Variants in GPSM2 observed in about 807,000 individuals in gnomAD.
The protein encoded by GPSM2 is G protein signaling modulator 2.
A neutral mutation model predicts 78.4 loss-of-function variants in GPSM2; 58 were observed. The observed-to-expected ratio is 0.74, with a 90% CI of 0.60 to 0.92. GPSM2 has a LOEUF of 0.92. GPSM2 is among the 40% of genes least tolerant of loss of function. The probability of loss-of-function intolerance (pLI) is 0.00; values close to 1 mark genes in which losing one functional copy is unlikely to be tolerated. For missense variants in GPSM2, 700 were observed against 815.5 expected (o/e 0.86, Z 1.73); for synonymous variants, 224 against 280.2 (o/e 0.80, Z 2.00).
chr1:108,891,650 A>T (rs988704065), intron 2 of GPSM2, among the ~76,000 whole-genome samples: 1 of 145,862 alleles, frequency 6.9e-6, no homozygotes, highest in East Asian at 2.0e-4. Context: ...GGTGCATGCC[A>T]CCACAGCCAG....
chr1:108,888,622 G>C (rs181777454), intron 2 of GPSM2, among the ~76,000 whole-genome samples: 62 of 152,372 alleles, frequency 4.1e-4, no homozygotes, highest in African/African-American at 1.4e-3. Context: ...TTACAGGAAT[G>C]AGCTGCCGTG....
rs529379363 is a variant in GPSM2, at chr1:108,885,522, G to A, written c.-1G>A. On this transcript the variant is annotated 5_prime_UTR_variant, in exon 2 of 15. Coordinates refer to ENST00000264126, the MANE Select transcript of GPSM2 (RefSeq NM_013296.5). ...TTTTATTCAGCTTATAATATGACTC[G>A]ATGGAGGAAAATTTGATAAGCATGA... The A allele has an allele frequency of 9.1e-6, 14 of 1,531,950 alleles. No homozygotes were observed. Among genetic ancestry groups the A allele is most frequent in the South Asian group, 3.4e-5 (3 of 89,140 alleles). 94.9% of individuals were successfully genotyped at this position (1,531,950 alleles called of 1,614,324 possible).
intron 10 of GPSM2, chr1:108,909,748 C>A (rs1399642738): frequency 6.6e-6 from 1 of 151,432 alleles, no homozygotes. Flanking sequence ...ACTAAAAATA[C>A]AAAAATTAGC....
chr1:108,931,656 A>G lies in GPSM2; in HGVS notation c.*1716A>G. On this transcript the variant is annotated 3_prime_UTR_variant, in exon 15 of 15. Coordinates refer to ENST00000264126, the MANE Select transcript of GPSM2 (RefSeq NM_013296.5). ...AAAAAAAAAAAAAGTTCTAAATTAC[A>G]ACCTGGATTACATTATGTTTCATGT... 1.1e-6 allele frequency: 1 copy of G among 914,432 alleles called. No individual in the cohort carries two copies. The highest frequency in any genetic ancestry group is 2.9e-5 in the East Asian group (1 of 34,724). The allele number at this position is 914,432 out of a possible 1,614,324, so 56.6% of individuals were successfully genotyped here. A position where few individuals can be genotyped will look rare whatever the true frequency, so the allele number is the denominator to read the frequency against.
rs747595387 is a variant in GPSM2 at position 108,903,251 on chromosome 1, A to C, written c.1062+17A>C. 6 of 1,352,190 alleles carry C rather than the reference A, an allele frequency of 4.4e-6. No homozygotes were observed. The Admixed American group carries it at 6.7e-5, about 15-fold the overall frequency. 83.8% of individuals were successfully genotyped at this position (1,352,190 alleles called of 1,614,324 possible). The stretch of plus-strand genomic sequence containing the variant: ...TCAAGAGAGGTATGAAACTAAAAAA[A>C]ATGCTGTCTGTGCTATTGTAATTTA... On this transcript the variant is annotated intron_variant, in intron 9 of 14. Transcript: ENST00000264126.
Position 108,930,055 on chromosome 1 carries a change from G to A in GPSM2, c.*115G>A. 1 of 964,100 alleles carries A rather than the reference G, an allele frequency of 1.0e-6. No homozygotes were observed. The highest frequency in any genetic ancestry group is 1.6e-5 in the South Asian group (1 of 64,356). The allele number at this position is 964,100 out of a possible 1,614,324, so 59.7% of individuals were successfully genotyped here. A position where few individuals can be genotyped will look rare whatever the true frequency, so the allele number is the denominator to read the frequency against. On this transcript the variant is annotated 3_prime_UTR_variant, in exon 15 of 15. Transcript: ENST00000264126. The stretch of plus-strand genomic sequence containing the variant: ...ATACAGCTTAAAATATTTTTAGAAT[G>A]ATGTAAATAGTTAACCTTCAGTAGT...
At chr1:108,922,370 T>A (rs1231792981) in intron 12 of GPSM2, 47 bp from the exon 13 acceptor site, 1 of 1,326,866 alleles carries the variant, frequency 7.5e-7, no homozygotes, top group South Asian at 1.2e-5. Context: ...GATCTAAAGA[T>A]AATACTGGAA....
In GPSM2 at chr1:108,924,131, A is replaced by C; in HGVS notation, c.1732A>C (p.Ser578Arg). ...NLPGLRLTQNSQSVLSHLMTN... is the reference protein window; with the variant it reads ...NLPGLRLTQNRQSVLSHLMTN... ...GCCAGGGCTTCGTCTAACACAAAACAGCCAGTCGGTACTTAGCCACCTGAT... is the reference window on the plus strand; with the variant it reads ...GCCAGGGCTTCGTCTAACACAAAACCGCCAGTCGGTACTTAGCCACCTGAT... Residue 578 changes from serine (S) to arginine (R), a missense_variant, in exon 14 of 15, where the codon AGC (serine) becomes CGC (arginine). By Grantham distance (110) the Ser-to-Arg change is moderately radical (BLOSUM62 -1). Transcript: ENST00000264126. The C allele has an allele frequency of 6.2e-7, 1 of 1,613,938 alleles. No individual in the cohort carries two copies. The highest frequency in any genetic ancestry group is 8.5e-7 in the Non-Finnish European group (1 of 1,179,810).
intron 2 of GPSM2, among the ~76,000 whole-genome samples, chr1:108,894,606 G>A (rs946471269): frequency 1.3e-5 from 2 of 152,042 alleles, no homozygotes; most frequent in South Asian, 2.1e-4. Context: ...ACTGAGGCAC[G>A]AGAATCACTT....
chr1:108,928,898 A>G (rs866572995), intron 14 of GPSM2, among the ~76,000 whole-genome samples: 1 of 152,038 alleles, frequency 6.6e-6, no homozygotes. Context: ...CTGAGGCTGA[A>G]GAATCACTTG....
At chr1:108,898,149 G>A in intron 5 of GPSM2, 48 bp downstream of exon 5, 1 of 1,567,446 alleles carries the variant, frequency 6.4e-7, no homozygotes, top group Non-Finnish European at 8.8e-7. Flanking sequence ...TCTAAGCCGT[G>A]GATCTGCTGT....
chr1:108,877,626 A>G (rs1394316642), intron 1 of GPSM2: 1 of 151,926 alleles, frequency 6.6e-6, no homozygotes, highest in Non-Finnish European at 1.5e-5. Flanking sequence ...ATTCATTCCG[A>G]GGCTGATTGC....
At chr1:108,904,293 T>C in intron 10 of GPSM2, 39 bp downstream of exon 10, 6 of 1,278,494 alleles carry the variant, frequency 4.7e-6, no homozygotes, top group Non-Finnish European at 6.8e-6. Flanking sequence ...TTTTTTATCC[T>C]CAATATTTAG....
chr1:108,914,315 GAATT>G lies in GPSM2; in HGVS notation c.1193-18_1193-15del. 1.9e-6 allele frequency: 3 copies of G among 1,542,286 alleles called. No individual in the cohort carries two copies. Among genetic ancestry groups the G allele is most frequent in the Non-Finnish European group, 2.7e-6 (3 of 1,114,762 alleles). ...CTCTTAAGGGCTCCCTGGTTTATTTGAATTAATTTTTTTTAAACAAAGGTGTACG... is the reference window on the plus strand; with the variant it reads ...CTCTTAAGGGCTCCCTGGTTTATTTGAATTTTTTTTAAACAAAGGTGTACG... On this transcript the variant is annotated intron_variant, in intron 10 of 14. Coordinates refer to ENST00000264126, the MANE Select transcript of GPSM2 (RefSeq NM_013296.5).
chr1:108,917,575 T>A (rs1460482529), intron 11 of GPSM2, among the ~76,000 whole-genome samples: 5 of 112,028 alleles, frequency 4.5e-5, no homozygotes, highest in African/African-American at 9.7e-5. Flanking sequence ...CAAAAAAATT[T>A]AAAAAAAGCA....
rs1379483513 is a variant in GPSM2, at chr1:108,929,808, G to T, written c.1923G>T (p.Lys641Asn). ...GCCTTATTTTACGGTCCCAGGGAAA[G>T]AGAATGGATGAACAGAGAGTTCTTT... ...FFSLILRSQG[K>N]RMDEQRVLLQ... is the part of the protein sequence containing the mutation. Residue 641 changes from lysine to asparagine, a missense_variant, in exon 15 of 15, where the codon AAG (lysine) becomes AAT (asparagine). Coordinates refer to ENST00000264126, the MANE Select transcript of GPSM2 (RefSeq NM_013296.5). 2 of 1,614,144 alleles carry T rather than the reference G, an allele frequency of 1.2e-6. No homozygotes were observed. The highest frequency in any genetic ancestry group is 1.6e-4 in the Middle Eastern group (1 of 6,062).
intron 10 of GPSM2, among the ~76,000 whole-genome samples, chr1:108,904,825 A>G (rs948161762): frequency 1.3e-5 from 2 of 151,908 alleles, no homozygotes; most frequent in African/African-American, 4.8e-5. Context: ...TGACATTTCT[A>G]TAGCGAGGAA....
At chr1:108,878,917 A>G (rs1665758989) in intron 1 of GPSM2, among the ~76,000 whole-genome samples, 1 of 152,194 alleles carries the variant, frequency 6.6e-6, no homozygotes, top group African/African-American at 2.4e-5. Flanking sequence ...CGAGATTCAA[A>G]TCATGGCCTG....
At chr1:108,925,273 T>C (rs1388863675) in intron 14 of GPSM2, among the ~76,000 whole-genome samples, 1 of 152,228 alleles carries the variant, frequency 6.6e-6, no homozygotes, top group Non-Finnish European at 1.5e-5. Context: ...GTTCAAGGAA[T>C]GGCAAGTGTG....
Sources: gnomAD v4.1 joint callset for allele counts (sites outside exome capture counted in the v4.1 genomes callset) on GRCh38, gnomAD v4.1.1 for gene constraint, MANE v1.5 for transcripts, NCBI Gene and HGNC (gene_info 2026-07-23, HGNC 2026-07-21) for gene names.